Variants in ZNRF3 observed in about 807,000 individuals in gnomAD.
ZNRF3 encodes the protein zinc and ring finger 3, also known as E3 ubiquitin-protein ligase ZNRF3.
ZNRF3 carries 23 observed loss-of-function variants against 72.5 expected under a neutral mutation model. That is an observed-to-expected ratio of 0.32 (90% CI 0.23 to 0.45). The LOEUF is 0.45. Among genes scored for constraint, ZNRF3 ranks in the 20% least tolerant of loss-of-function variants. ZNRF3 has a pLI of 1.00. For missense variants in ZNRF3, 1,169 were observed against 1,272.1 expected (o/e 0.92, Z 1.23); for synonymous variants, 610 against 545.3 (o/e 1.12, Z -1.65).
chr22:28,923,902 G>C (rs2034551579), intron 1 of ZNRF3, among the ~76,000 whole-genome samples: 1 of 152,248 alleles, frequency 6.6e-6, no homozygotes, highest in Non-Finnish European at 1.5e-5. Flanking sequence ...CAAGTGGGGT[G>C]GGGGACCGAG....
At chr22:29,020,778 T>TGG (rs1483646785) in intron 2 of ZNRF3, among the ~76,000 whole-genome samples, 51 of 126,684 alleles carry the variant, frequency 4.0e-4, no homozygotes, top group Non-Finnish European at 6.0e-4. Context: ...TGTGTGTGGG[T>TGG]GTGTGTGTGT....
chr22:28,917,375 T>C, intron 1 of ZNRF3: 1 of 980,736 alleles, frequency 1.0e-6, no homozygotes, highest in Non-Finnish European at 1.2e-6. Context: ...GAGGCTGTGT[T>C]GTCAGCCATC....
chr22:28,907,149 GTTTTTT>G (rs3884979), intron 1 of ZNRF3, among the ~76,000 whole-genome samples: 1 of 146,906 alleles, frequency 6.8e-6, no homozygotes, highest in East Asian at 2.0e-4. Context: ...CGCCCGTCCA[GTTTTTT>G]TTTTTTTTTT....
At chr22:28,889,220 GA>G (rs1193654875) in intron 1 of ZNRF3, among the ~76,000 whole-genome samples, 1 of 152,098 alleles carries the variant, frequency 6.6e-6, no homozygotes, top group African/African-American at 2.4e-5. Flanking sequence ...GTCTAATTTT[GA>G]ACAACATATA....
chr22:28,902,170 C>T (rs1360795606), intron 1 of ZNRF3, among the ~76,000 whole-genome samples: 1 of 152,078 alleles, frequency 6.6e-6, no homozygotes, highest in Non-Finnish European at 1.5e-5. Context: ...CTCCTGACCT[C>T]AGGTGATCCA....
At chr22:28,929,439 C>T (rs1305256398) in intron 1 of ZNRF3, among the ~76,000 whole-genome samples, 2 of 152,194 alleles carry the variant, frequency 1.3e-5, no homozygotes, top group Admixed American at 6.5e-5. Context: ...ACCTCCTTCC[C>T]AGTTATGACA....
At chr22:29,052,821 T>A (rs5752855) in intron 8 of ZNRF3, among the ~76,000 whole-genome samples, 58,800 of 149,650 alleles carry the variant, frequency 0.39, 12,460 homozygotes, top group African/African-American at 0.58. Flanking sequence ...AAAAAAAATT[T>A]AAAAAAAAAT....
chr22:28,947,675 C>T (rs1421978347), intron 1 of ZNRF3, among the ~76,000 whole-genome samples: 1 of 152,042 alleles, frequency 6.6e-6, no homozygotes, highest in Admixed American at 6.6e-5. Context: ...TGGAGAAATG[C>T]CTGTTTAGAT....
chr22:29,003,027 G>T (rs1408038360), intron 2 of ZNRF3, among the ~76,000 whole-genome samples: 1 of 152,136 alleles, frequency 6.6e-6, no homozygotes, highest in Admixed American at 6.5e-5. Context: ...AAATTCATCT[G>T]AAACAGTTCA....
chr22:29,054,000 TTGCTGAAAAAGAAAAAAAAATC>T lies in ZNRF3; in HGVS notation c.*379_*400del, dbSNP rs2123892635. ...TTTAAAGAACCCTAACTGCCAACTT[TTGCTGAAAAAGAAAAAAAAATC>T]ACTGCTGCATTAAATGAACCACATC... On this transcript the variant is annotated 3_prime_UTR_variant, in exon 9 of 9. Coordinates refer to ENST00000544604, the MANE Select transcript of ZNRF3 (RefSeq NM_001206998.2). 1 of 156,946 alleles carries T rather than the reference TTGCTGAAAAAGAAAAAAAAATC, an allele frequency of 6.4e-6. No homozygotes were observed. The highest frequency in any genetic ancestry group is 1.4e-5 in the Non-Finnish European group (1 of 71,204). 9.7% of individuals were successfully genotyped at this position (156,946 alleles called of 1,614,324 possible).
intron 2 of ZNRF3, among the ~76,000 whole-genome samples, chr22:28,996,345 A>G (rs188809069): frequency 2.8e-4 from 43 of 152,214 alleles, no homozygotes; most frequent in Middle Eastern, 3.4e-3. Flanking sequence ...TGACTTCATC[A>G]CTCTGACAAC....
At chr22:28,926,198 G>A (rs2034597059) in intron 1 of ZNRF3, among the ~76,000 whole-genome samples, 1 of 152,232 alleles carries the variant, frequency 6.6e-6, no homozygotes, top group African/African-American at 2.4e-5. Flanking sequence ...CAGTGAGCAT[G>A]TGCACATTCT....
intron 2 of ZNRF3, among the ~76,000 whole-genome samples, chr22:29,024,244 C>G (rs776686774): frequency 2.0e-5 from 3 of 148,196 alleles, no homozygotes; most frequent in Admixed American, 2.0e-4. Flanking sequence ...TTCAGTCTCT[C>G]GAGTCTCTTT....
intron 2 of ZNRF3, among the ~76,000 whole-genome samples, chr22:29,008,022 C>G (rs2036289172): frequency 6.6e-6 from 1 of 152,102 alleles, no homozygotes; most frequent in South Asian, 2.1e-4. Flanking sequence ...TCCCAAAGTG[C>G]TGGGATTACA....
intron 1 of ZNRF3, among the ~76,000 whole-genome samples, chr22:28,930,666 G>A (rs1348215230): frequency 6.6e-6 from 1 of 152,210 alleles, no homozygotes; most frequent in Non-Finnish European, 1.5e-5. Flanking sequence ...CTTTATAAAT[G>A]TTCCATGGCG....
chr22:28,960,511 A>G (rs739197), intron 1 of ZNRF3, among the ~76,000 whole-genome samples: 127,421 of 152,100 alleles, frequency 0.84, 54,425 homozygotes, highest in East Asian at 0.95. Flanking sequence ...GCAACAGTGC[A>G]GCTGATAAAT....
At chr22:28,965,518 C>G (rs1301630693) in intron 1 of ZNRF3, among the ~76,000 whole-genome samples, 2 of 152,174 alleles carry the variant, frequency 1.3e-5, no homozygotes, top group African/African-American at 4.8e-5. Context: ...TCTTAACCAC[C>G]CTGCCTCAGT....
intron 1 of ZNRF3, among the ~76,000 whole-genome samples, chr22:28,904,085 GA>G (rs147841078): frequency 0.032 from 4,781 of 148,982 alleles, 107 homozygotes; most frequent in African/African-American, 0.06. Flanking sequence ...GTCTAAACTG[GA>G]AAAAAAAAAT....
At chr22:28,914,706 C>T (rs935834217) in intron 1 of ZNRF3, among the ~76,000 whole-genome samples, 3 of 150,384 alleles carry the variant, frequency 2.0e-5, no homozygotes, top group African/African-American at 4.9e-5. Context: ...GTCAGCTACT[C>T]GGGAGGCTGA....
Sources: allele counts gnomAD v4.1 joint callset (sites outside exome capture counted in the v4.1 genomes callset), GRCh38; gene constraint gnomAD v4.1.1; transcripts MANE v1.5; gene names NCBI Gene and HGNC (gene_info 2026-07-23, HGNC 2026-07-21).